IL18RAP: variants seen among roughly 807,000 people sequenced by gnomAD.
The protein encoded by IL18RAP is interleukin 18 receptor accessory protein, also known as interleukin-18 receptor accessory protein.
A neutral mutation model predicts 58.1 loss-of-function variants in IL18RAP; 37 were observed. The observed-to-expected ratio is 0.64, with a 90% CI of 0.49 to 0.84. The LOEUF (loss-of-function observed/expected upper bound fraction) is 0.84, where lower values mean the gene tolerates loss of function less well. Ranked by LOEUF, IL18RAP falls within the 40% of genes least tolerant of loss-of-function variation. IL18RAP has a pLI of 0.00. For missense variants in IL18RAP, 667 were observed against 704.8 expected (o/e 0.95, Z 0.61); for synonymous variants, 268 against 257.5 (o/e 1.04, Z -0.39).
intron 8 of IL18RAP, among the ~76,000 whole-genome samples, chr2:102,448,601 C>G (rs1011648739): frequency 6.6e-6 from 1 of 152,052 alleles, no homozygotes; most frequent in African/African-American, 2.4e-5. Context: ...AATTCCAGTG[C>G]GTTCCCAAAC....
intron 4 of IL18RAP, among the ~76,000 whole-genome samples, chr2:102,440,912 G>A (rs1223949476): frequency 6.6e-6 from 1 of 152,128 alleles, no homozygotes; most frequent in African/African-American, 2.4e-5. Context: ...ATGGAGGGGT[G>A]GACTCGGATA....
At chr2:102,432,810 T>A (rs1307174492) in intron 3 of IL18RAP, among the ~76,000 whole-genome samples, 1 of 152,232 alleles carries the variant, frequency 6.6e-6, no homozygotes, top group Non-Finnish European at 1.5e-5. Flanking sequence ...ATTTAATGAC[T>A]GAAAAAGTCA....
chr2:102,451,085 C>CT (rs200668066), intron 9 of IL18RAP, 64 bp downstream of exon 9: 17,788 of 1,326,442 alleles, frequency 0.013, 160 homozygotes, highest in Non-Finnish European at 0.016. Context: ...ATCCCCAAGT[C>CT]TTTTTTGTCA....
At chr2:102,436,051 C>T (rs1682713875) in intron 3 of IL18RAP, among the ~76,000 whole-genome samples, 5 of 152,140 alleles carry the variant, frequency 3.3e-5, no homozygotes, top group Admixed American at 3.3e-4. Context: ...ATGGGTTTCC[C>T]ATCATCCTTG....
At chr2:102,427,708 A>C (rs1288566266) in intron 3 of IL18RAP, among the ~76,000 whole-genome samples, 3 of 151,914 alleles carry the variant, frequency 2.0e-5, no homozygotes, top group Non-Finnish European at 4.4e-5. Context: ...TTTATGCTAT[A>C]TCATTTTTCT....
At chr2:102,442,856 C>T (rs1414597225) in intron 5 of IL18RAP, among the ~76,000 whole-genome samples, 4 of 152,156 alleles carry the variant, frequency 2.6e-5, no homozygotes, top group Non-Finnish European at 5.9e-5. Context: ...AACAGTAGTG[C>T]AGAAGACCGG....
chr2:102,445,597 C>G (rs1021249224), intron 7 of IL18RAP, among the ~76,000 whole-genome samples: 1 of 152,222 alleles, frequency 6.6e-6, no homozygotes, highest in Non-Finnish European at 1.5e-5. Context: ...AAAAGCAACT[C>G]ATTCATGCAC....
Position 102,441,396 on chromosome 2 carries a change from C to A in IL18RAP, c.796+19C>A. ...GAACTTGGTAAGCTGGGCCTCATCG[C>A]CTTTGAATGACATCGTGCTGCTGGG... On this transcript the variant is annotated intron_variant, in intron 5 of 9. Transcript: ENST00000687160. 6.3e-7 allele frequency: 1 copy of A among 1,599,366 alleles called. No individual in the cohort carries two copies. The highest frequency in any genetic ancestry group is 2.2e-5 in the East Asian group (1 of 44,740).
chr2:102,446,752 G>A (rs567699117), intron 7 of IL18RAP, among the ~76,000 whole-genome samples: 13 of 148,324 alleles, frequency 8.8e-5, no homozygotes, highest in East Asian at 2.0e-4. Flanking sequence ...AGTGAGCTGC[G>A]CGCCACTGCA....
chr2:102,428,748 C>T lies in IL18RAP; in HGVS notation c.579+4334C>T, dbSNP rs977226582. On this transcript the variant is annotated intron_variant, in intron 3 of 9. Transcript: ENST00000687160. ...TAGGACTTCCAGTGCTATGATGAAA[C>T]GAGGTAGTAAGAGTGCACATTCTTG... Among the ~76,000 whole-genome samples the T allele has an allele frequency of 4.6e-5, 7 of 151,908 alleles. No individual in the cohort carries two copies. The East Asian group carries it at 5.8e-4, about 13-fold the overall frequency.
chr2:102,447,019 G>A (rs1339021193), intron 7 of IL18RAP, 51 bp from the exon 8 acceptor site: 1 of 1,589,112 alleles, frequency 6.3e-7, no homozygotes, highest in Admixed American at 1.7e-5. Context: ...ACATGGTCTT[G>A]GTCCAATCCC....
chr2:102,440,298 G>T, intron 4 of IL18RAP: 1 of 152,454 alleles, frequency 6.6e-6, no homozygotes. Context: ...AAAGAAGAGA[G>T]GGTTTCAAAG....
At chr2:102,439,109 C>T (rs539667714) in intron 4 of IL18RAP, 1 of 152,306 alleles carries the variant, frequency 6.6e-6, no homozygotes, top group South Asian at 2.1e-4. Flanking sequence ...ATCTAATTAC[C>T]TAATTATCTA....
chr2:102,436,293 T>C (rs532572601), intron 3 of IL18RAP, among the ~76,000 whole-genome samples: 16 of 152,328 alleles, frequency 1.1e-4, no homozygotes, highest in Non-Finnish European at 2.2e-4. Context: ...TTCTGATCTT[T>C]ATATGTTATC....
intron 6 of IL18RAP, among the ~76,000 whole-genome samples, chr2:102,444,332 C>T (rs892709171): frequency 6.6e-6 from 1 of 152,080 alleles, no homozygotes; most frequent in Non-Finnish European, 1.5e-5. Context: ...TTTGACATCA[C>T]CCACCCTTGG....
At chr2:102,428,696 T>C (rs1217852468) in intron 3 of IL18RAP, among the ~76,000 whole-genome samples, 1 of 151,966 alleles carries the variant, frequency 6.6e-6, no homozygotes. Flanking sequence ...TGCTTTTTAT[T>C]TGTTTCTCTT....
At chr2:102,437,169 T>G in intron 3 of IL18RAP, 43 bp from the exon 4 acceptor site, 1 of 1,572,718 alleles carries the variant, frequency 6.4e-7, no homozygotes. Flanking sequence ...TCATAAAGTT[T>G]TTCTGTGGCA....
intron 3 of IL18RAP, chr2:102,434,989 A>G (rs567447627): frequency 6.8e-6 from 1 of 147,446 alleles, no homozygotes; most frequent in Non-Finnish European, 1.5e-5. Flanking sequence ...AATATACTCC[A>G]TTCCCATTAA....
chr2:102,451,702 A>G (rs1012524754), intron 9 of IL18RAP, 64 bp from the exon 10 acceptor site: 1 of 1,369,186 alleles, frequency 7.3e-7, no homozygotes, highest in Non-Finnish European at 1.0e-6. Flanking sequence ...AATCCATTGC[A>G]AGGACCTCTC....
Sources: gnomAD v4.1 joint callset for allele counts (sites outside exome capture counted in the v4.1 genomes callset) on GRCh38, gnomAD v4.1.1 for gene constraint, MANE v1.5 for transcripts, NCBI Gene and HGNC (gene_info 2026-07-23, HGNC 2026-07-21) for gene names.